The following STAC variants were observed in gnomAD, a reference collection of about 807,000 sequenced individuals.
STAC encodes SH3 and cysteine rich domain.
STAC carries 43 observed loss-of-function variants against 48.8 expected under a neutral mutation model. The observed-to-expected ratio is 0.88, with a 90% CI of 0.69 to 1.14. The LOEUF (loss-of-function observed/expected upper bound fraction) is 1.14. STAC is among the 50% of genes most tolerant of loss of function. The pLI is 0.00. For missense variants in STAC, 497 were observed against 504.0 expected (o/e 0.99, Z 0.13); for synonymous variants, 193 against 179.5 (o/e 1.07, Z -0.60).
At chr3:36,503,731 C>G (rs369357789) in intron 6 of STAC, among the ~76,000 whole-genome samples, 3 of 152,110 alleles carry the variant, frequency 2.0e-5, no homozygotes, top group Non-Finnish European at 2.9e-5. Context: ...CCGTGCCCAG[C>G]CTTCCTGCCC....
intron 1 of STAC, among the ~76,000 whole-genome samples, chr3:36,391,011 G>C (rs1699742417): frequency 6.6e-6 from 1 of 152,098 alleles, no homozygotes; most frequent in African/African-American, 2.4e-5. Flanking sequence ...GACAGCCCTG[G>C]GAACTTCCTT....
chr3:36,500,017 A>G (rs1698244876), intron 6 of STAC, among the ~76,000 whole-genome samples: 1 of 152,220 alleles, frequency 6.6e-6, no homozygotes, highest in South Asian at 2.1e-4. Flanking sequence ...CATAGCCTGA[A>G]AAATGATAGA....
intron 10 of STAC, among the ~76,000 whole-genome samples, chr3:36,529,759 T>G (rs1699021074): frequency 6.6e-6 from 1 of 152,180 alleles, no homozygotes; most frequent in South Asian, 2.1e-4. Context: ...CTTCCTACCC[T>G]GCCTTCTTCT....
intron 2 of STAC, among the ~76,000 whole-genome samples, chr3:36,460,529 G>A (rs921049373): frequency 6.6e-6 from 1 of 152,106 alleles, no homozygotes; most frequent in Non-Finnish European, 1.5e-5. Context: ...GGGACATTTG[G>A]CAATTTCTGG....
At chr3:36,503,609 T>C (rs1421153810) in intron 6 of STAC, among the ~76,000 whole-genome samples, 2 of 151,912 alleles carry the variant, frequency 1.3e-5, no homozygotes, top group African/African-American at 4.8e-5. Context: ...AATTTTTGTA[T>C]TTTAGTAGAG....
intron 2 of STAC, among the ~76,000 whole-genome samples, chr3:36,462,235 A>G (rs915980622): frequency 1.3e-5 from 2 of 152,098 alleles, no homozygotes; most frequent in African/African-American, 4.8e-5. Flanking sequence ...AGATAGGGAA[A>G]CTGTCTACTA....
intron 1 of STAC, among the ~76,000 whole-genome samples, chr3:36,416,621 T>TGAAA (rs1184752453): frequency 1.3e-5 from 2 of 152,182 alleles, no homozygotes; most frequent in Non-Finnish European, 2.9e-5. Context: ...CGGTTCCCTG[T>TGAAA]GAAAGATTGC....
At chr3:36,429,922 C>A (rs73830355) in intron 1 of STAC, among the ~76,000 whole-genome samples, 3,530 of 152,154 alleles carry the variant, frequency 0.023, 59 homozygotes, top group Non-Finnish European at 0.026. Context: ...TGAAAAGGGT[C>A]GGAGTCTTGG....
rs1218701234 is a variant in STAC at position 36,398,672 on chromosome 3, G to GGAAA, written c.111+17935_111+17938dup. Among the ~76,000 whole-genome samples, 81 of 113,508 alleles carry GGAAA rather than the reference G, an allele frequency of 7.1e-4. 3 individuals are homozygous for GGAAA. The highest frequency in any genetic ancestry group is 3.2e-3 in the South Asian group (12 of 3,700). 74.5% of individuals were successfully genotyped at this position (113,508 alleles called of 152,430 possible). A position where few individuals can be genotyped will look rare whatever the true frequency, so the allele number is the denominator to read the frequency against. ...AAAGAGAAAGAAAGGAAGGAAGGAA[G>GGAAA]GAAAGAAAGAAAGAAAGAAAAGAAA... is the stretch of plus-strand genomic sequence containing the variant. On this transcript the variant is annotated intron_variant, in intron 1 of 10. Coordinates refer to ENST00000273183, the MANE Select transcript of STAC (RefSeq NM_003149.3).
chr3:36,394,812 G>A (rs1575172155), intron 1 of STAC, among the ~76,000 whole-genome samples: 1 of 151,902 alleles, frequency 6.6e-6, no homozygotes, highest in South Asian at 2.1e-4. Context: ...CAGGAGAATC[G>A]CTTGAACCTG....
In STAC at chr3:36,547,543, T is replaced by A. The variant is rs1300194665; in HGVS notation, c.*1254T>A. 6.6e-6 allele frequency: 1 copy of A among 152,642 alleles called. No individual in the cohort carries two copies. The highest frequency in any genetic ancestry group is 1.5e-5 in the Non-Finnish European group (1 of 68,046). The allele number at this position is 152,642 out of a possible 1,614,324, so 9.5% of individuals were successfully genotyped here. On this transcript the variant is annotated 3_prime_UTR_variant, in exon 11 of 11. Coordinates refer to ENST00000273183, the MANE Select transcript of STAC (RefSeq NM_003149.3). The stretch of plus-strand genomic sequence containing the variant: ...ATTCAAACTTCCATCCTATTAGTCA[T>A]TAACATGGTTAAACTTCAATTCACA...
At chr3:36,405,554 C>T (rs555928172) in intron 1 of STAC, among the ~76,000 whole-genome samples, 2 of 152,180 alleles carry the variant, frequency 1.3e-5, no homozygotes, top group Non-Finnish European at 2.9e-5. Flanking sequence ...CCCAGATACA[C>T]AACTGATCGC....
At chr3:36,491,058 T>C (rs1418214475) in intron 5 of STAC, among the ~76,000 whole-genome samples, 2 of 152,234 alleles carry the variant, frequency 1.3e-5, no homozygotes, top group African/African-American at 4.8e-5. Context: ...AGTCCAACCA[T>C]CCTCAAAGGA....
intron 1 of STAC, among the ~76,000 whole-genome samples, chr3:36,429,316 C>CT (rs1275815627): frequency 1.2e-4 from 19 of 152,158 alleles, no homozygotes; most frequent in African/African-American, 4.6e-4. Flanking sequence ...TTCATTTGAC[C>CT]TTTTCAGATC....
chr3:36,437,920 A>G (rs1696195558), intron 1 of STAC, among the ~76,000 whole-genome samples: 1 of 128,712 alleles, frequency 7.8e-6, no homozygotes, highest in South Asian at 2.5e-4. Context: ...AGTACCCATG[A>G]TATTCATTGA....
At chr3:36,428,423 A>C (rs548634478) in intron 1 of STAC, among the ~76,000 whole-genome samples, 1 of 152,382 alleles carries the variant, frequency 6.6e-6, no homozygotes, top group South Asian at 2.1e-4. Context: ...ATAGTCCAAA[A>C]TATTAATAGT....
intron 8 of STAC, among the ~76,000 whole-genome samples, chr3:36,528,089 G>A (rs1575263931): frequency 6.6e-6 from 1 of 152,198 alleles, no homozygotes; most frequent in South Asian, 2.1e-4. Context: ...ACAGGGGACG[G>A]GAGGTAGATC....
intron 1 of STAC, among the ~76,000 whole-genome samples, chr3:36,381,472 C>A (rs193069652): frequency 2.0e-5 from 3 of 152,234 alleles, no homozygotes; most frequent in African/African-American, 7.2e-5. Flanking sequence ...TGGCTGCTAG[C>A]AGTGCAATGC....
At chr3:36,461,308 A>G (rs189520153) in intron 2 of STAC, among the ~76,000 whole-genome samples, 1 of 152,346 alleles carries the variant, frequency 6.6e-6, no homozygotes, top group East Asian at 1.9e-4. Flanking sequence ...TATTATTAAT[A>G]TCAGACACCT....
Sources: allele counts gnomAD v4.1 joint callset (sites outside exome capture counted in the v4.1 genomes callset), GRCh38; gene constraint gnomAD v4.1.1; transcripts MANE v1.5; gene names NCBI Gene and HGNC (gene_info 2026-07-23, HGNC 2026-07-21).